The following CLCN2 variants were observed in gnomAD, a reference collection of about 807,000 sequenced individuals.
CLCN2 encodes the protein chloride channel protein 2.
In CLCN2, 72 loss-of-function variants were observed where a neutral mutation model predicts 108.3. The observed-to-expected ratio is 0.66, with a 90% CI of 0.55 to 0.81. The LOEUF (loss-of-function observed/expected upper bound fraction) is 0.81. CLCN2 is among the 30% of genes least tolerant of loss of function. The pLI is 0.00. For synonymous variants in CLCN2, 471 were observed against 467.1 expected (o/e 1.01, Z -0.11); for missense variants, 1,048 against 1,205.2 (o/e 0.87, Z 1.93).
Position 184,352,721 on chromosome 3 carries a change from G to C in CLCN2, c.2217+16C>G, listed in dbSNP as rs1233059732. ...GGGGAAAAAGCAAGCTAGGAGGACA[G>C]GCTCCAGCCACTCACCTCCGAAGCA... On this transcript the variant is annotated intron_variant, in intron 19 of 23. Transcript: ENST00000265593. 2 of 1,612,542 alleles carry C rather than the reference G, an allele frequency of 1.2e-6. No individual in the cohort carries two copies. Among genetic ancestry groups the C allele is most frequent in the Non-Finnish European group, 1.7e-6 (2 of 1,179,638 alleles).
rs561080385 is a variant in CLCN2 at position 184,353,693 on chromosome 3, C to G, written c.1824G>C (p.Lys608Asn). The G allele has an allele frequency of 3.1e-5, 50 of 1,611,830 alleles. No homozygotes were observed. The highest frequency in any genetic ancestry group is 4.1e-5 in the Non-Finnish European group (48 of 1,179,552). The change falls in exon 16 of 24, where the codon AAG (lysine) becomes AAC (asparagine). Residue 608 changes from lysine (K) to asparagine (N), a missense_variant. By Grantham distance (94) the Lys-to-Asn change is moderately conservative. Coordinates refer to ENST00000265593, the MANE Select transcript of CLCN2 (RefSeq NM_004366.6). ...ACTCCACTAGGGCCAGCATTCGGCC[C>G]TTGGTCCTGTGCAGTGCCAAACGCA... ...RDLRLALHRTKGRMLALVESP... is the reference protein window; with the variant it reads ...RDLRLALHRTNGRMLALVESP...
chr3:184,355,871 T>TG lies in CLCN2; in HGVS notation c.1086-94_1086-93insC. 2.0e-6 allele frequency: 2 copies of TG among 1,022,996 alleles called. No individual in the cohort carries two copies. Among genetic ancestry groups the TG allele is most frequent in the South Asian group, 1.3e-5 (1 of 74,552 alleles). 63.4% of individuals were successfully genotyped at this position (1,022,996 alleles called of 1,614,324 possible). A position where few individuals can be genotyped will look rare whatever the true frequency, so the allele number is the denominator to read the frequency against. On this transcript the variant is annotated intron_variant, in intron 10 of 23. Transcript: ENST00000265593. This position sits in a 1 kb window ranked among gnomAD's most constrained non-coding sequence, Gnocchi z 6.3. ...TGAGGTCAGAGCAGAGCCTTGGCTC[T>TG]TTCATGAAAACACTCAGTCCTGACA...
intron 8 of CLCN2, 24 bp downstream of exon 8, chr3:184,357,338 C>G: frequency 6.2e-7 from 1 of 1,614,046 alleles, no homozygotes; most frequent in Non-Finnish European, 8.5e-7. Context: ...TCTCGGGCTG[C>G]CCTCATCCCC....
In CLCN2 at chr3:184,357,682, G is replaced by A; in HGVS notation, c.710C>T (p.Thr237Ile). Residue 237 changes from threonine to isoleucine, a missense_variant, in exon 7 of 24, where the codon ACA becomes ATA. Coordinates refer to ENST00000265593, the MANE Select transcript of CLCN2 (RefSeq NM_004366.6). ...GGCACAGGCGGCAGCCAGCATCTCT[G>A]TGTTCCGGGATTCATTCTGGCGAGA... is the stretch of plus-strand genomic sequence containing the variant. ...GGIYENESRN[T>I]EMLAAACAVG... is the part of the protein sequence containing the mutation. 1.2e-6 allele frequency: 2 copies of A among 1,614,128 alleles called. No homozygotes were observed. The highest frequency in any genetic ancestry group is 1.3e-5 in the African/African-American group (1 of 75,062).
At position 184,357,319 on chromosome 3, in the gene CLCN2, C is replaced by T. The variant is rs371310881; in HGVS notation, c.898+43G>A. On this transcript the variant is annotated intron_variant, in intron 8 of 23. Coordinates refer to ENST00000265593, the MANE Select transcript of CLCN2 (RefSeq NM_004366.6). ...AGGCCTAGCCTCGTGGGCCCCCTAC[C>T]TGGCACCATCTCGGGCTGCCCTCAT... 1.1e-5 allele frequency: 18 copies of T among 1,613,900 alleles called. 1 individual carries two copies. In the African/African-American group the frequency reaches 2.3e-4, roughly 20 times the overall value.
rs767170046 is a variant in CLCN2 at position 184,358,996 on chromosome 3, T to C, written c.199A>G (p.Ser67Gly). 2.0e-5 allele frequency: 32 copies of C among 1,613,432 alleles called. No individual in the cohort carries two copies. The South Asian group carries it at 3.3e-4, about 17-fold the overall frequency. Residue 67 changes from serine to glycine, a missense_variant, in exon 2 of 24, where the codon AGC (serine) becomes GGC (glycine). Ser to Gly is a moderately conservative substitution (Grantham distance 56). Coordinates refer to ENST00000265593, the MANE Select transcript of CLCN2 (RefSeq NM_004366.6). ...TCACCGCGGCATCGGGCGCAACGGC[T>C]CCGTCCATATTCCAAGAGCTCTGGG... The part of the protein sequence containing the change: ...AAPELLEYGR[S>G]RCARCRVCSV...
intron 1 of CLCN2, among the ~76,000 whole-genome samples, chr3:184,360,344 G>T (rs542652806): frequency 1.3e-5 from 2 of 152,156 alleles, no homozygotes; most frequent in African/African-American, 4.8e-5. Context: ...AGATGGAGAG[G>T]TGGCTGGTGT....
chr3:184,358,124 A>G, intron 4 of CLCN2, 29 bp from the exon 5 acceptor site: 1 of 1,614,048 alleles, frequency 6.2e-7, no homozygotes, highest in Non-Finnish European at 8.5e-7. Context: ...CAGGAGAGGC[A>G]TTCGATGCAC....
In CLCN2 at chr3:184,358,683, T is replaced by C. The variant is rs761816434; in HGVS notation, c.351A>G (p.Gln117=). 2.8e-5 allele frequency: 44 copies of C among 1,573,548 alleles called. No homozygotes were observed. The Admixed American group carries it at 7.2e-4, about 26-fold the overall frequency. ...VMDYAIAACL[Q]AQQWMSRGLN... is the part of the protein sequence containing the mutation. ...CCCCCTGCCAGCTGTCACCCTCACC[T>C]TGCAGACAGGCAGCAATGGCATAGT... The change falls in exon 3 of 24, where the codon CAA becomes CAG. Residue 117 remains glutamine, a splice_region_variant and synonymous_variant. Transcript: ENST00000265593.
In CLCN2 at chr3:184,352,735, A is replaced by C; in HGVS notation, c.2217+2T>G. The C allele has an allele frequency of 1.9e-6, 3 of 1,612,940 alleles. No individual in the cohort carries two copies. Among genetic ancestry groups the C allele is most frequent in the Non-Finnish European group, 2.5e-6 (3 of 1,179,908 alleles). ...CTAGGAGGACAGGCTCCAGCCACTC[A>C]CCTCCGAAGCAGCCTCAGGGGGTGG... is the stretch of plus-strand genomic sequence containing the variant. On this transcript the variant is annotated splice_donor_variant, in intron 19 of 23. Transcript: ENST00000265593. LOFTEE classifies it high-confidence loss of function.
chr3:184,348,126 T>C (rs981964090), intron 22 of CLCN2: 2 of 152,222 alleles, frequency 1.3e-5, no homozygotes, highest in African/African-American at 4.8e-5. Flanking sequence ...TTTGAAATTC[T>C]TTAGGGAGGG....
In CLCN2 at chr3:184,346,340, A is replaced by T; in HGVS notation, c.*266T>A. On this transcript the variant is annotated 3_prime_UTR_variant, in exon 24 of 24. Coordinates refer to ENST00000265593, the MANE Select transcript of CLCN2 (RefSeq NM_004366.6). This position sits in a 1 kb window ranked among gnomAD's most constrained non-coding sequence, Gnocchi z 6.0. ...CTTAGTTCCACCCCTTTCCCCTCAA[A>T]GGGGGAGCAGGGGTCAAGTGACCCC... 1.8e-6 allele frequency: 1 copy of T among 544,798 alleles called. No individual in the cohort carries two copies. Among genetic ancestry groups the T allele is most frequent in the African/African-American group, 1.9e-5 (1 of 52,872 alleles). The allele number at this position is 544,798 out of a possible 1,614,324, so 33.7% of individuals were successfully genotyped here. A position where few individuals can be genotyped will look rare whatever the true frequency, so the allele number is the denominator to read the frequency against.
At chr3:184,353,465 C>T in intron 16 of CLCN2, 43 bp from the exon 17 acceptor site, 1 of 1,567,734 alleles carries the variant, frequency 6.4e-7, no homozygotes, top group African/African-American at 1.4e-5. Flanking sequence ...GAGAGGGAGC[C>T]CTCCAGCCCC....
Position 184,361,304 on chromosome 3 carries a change from G to T in CLCN2, c.63+113C>A. Reference sequence around the variant, plus strand: ...AGACTTCCAAGCCTCAGTTTCCCCAGCTCAAAATGCTAGGACAGGATTAGG... The same window carrying T: ...AGACTTCCAAGCCTCAGTTTCCCCATCTCAAAATGCTAGGACAGGATTAGG... On this transcript the variant is annotated intron_variant, in intron 1 of 23. Coordinates refer to ENST00000265593, the MANE Select transcript of CLCN2 (RefSeq NM_004366.6). This position sits in a 1 kb window ranked among gnomAD's most constrained non-coding sequence, Gnocchi z 6.6. 3 of 1,152,498 alleles carry T rather than the reference G, an allele frequency of 2.6e-6. No homozygotes were observed. The highest frequency in any genetic ancestry group is 2.6e-6 in the Non-Finnish European group (2 of 767,920). 71.4% of individuals were successfully genotyped at this position (1,152,498 alleles called of 1,614,324 possible). A position where few individuals can be genotyped will look rare whatever the true frequency, so the allele number is the denominator to read the frequency against.
In CLCN2 at chr3:184,355,312, G is replaced by C; in HGVS notation, c.1326+62C>G. The C allele has an allele frequency of 6.5e-7, 1 of 1,548,366 alleles. No individual in the cohort carries two copies. Among genetic ancestry groups the C allele is most frequent in the Non-Finnish European group, 8.9e-7 (1 of 1,121,172 alleles). On this transcript the variant is annotated intron_variant, in intron 12 of 23. Transcript: ENST00000265593. The surrounding 1 kb of genome is among the most constrained non-coding windows in gnomAD (Gnocchi z 6.3). ...AGAGGCTTCGAGGAGTGAGCACTGCGTGGCAGGTGCTTAGAAGGGCAAGCT... is the reference window on the plus strand; with the variant it reads ...AGAGGCTTCGAGGAGTGAGCACTGCCTGGCAGGTGCTTAGAAGGGCAAGCT...
chr3:184,356,547 G>T, intron 10 of CLCN2: 1 of 176,480 alleles, frequency 5.7e-6, no homozygotes, highest in Non-Finnish European at 1.2e-5. Context: ...GCTGAGGCAG[G>T]AGAATCGCTT....
rs750904094 is a variant in CLCN2, at chr3:184,353,116, G to A, written c.2060C>T (p.Ala687Val). 1.2e-6 allele frequency: 2 copies of A among 1,614,186 alleles called. No homozygotes were observed. Among genetic ancestry groups the A allele is most frequent in the Admixed American group, 1.7e-5 (1 of 60,028 alleles). Reference protein sequence around the residue: ...VNTEDSAFPAARGETHKPLKP... With the variant: ...VNTEDSAFPAVRGETHKPLKP... ...TAGGGGCTTGTGGGTCTCCCCCCGGGCTGCTGGGAAGGCTGAGTCTTCTGT... is the reference window on the plus strand; with the variant it reads ...TAGGGGCTTGTGGGTCTCCCCCCGGACTGCTGGGAAGGCTGAGTCTTCTGT... Residue 687 changes from alanine to valine, a missense_variant, in exon 18 of 24, where the codon GCC (alanine) becomes GTC (valine). Coordinates refer to ENST00000265593, the MANE Select transcript of CLCN2 (RefSeq NM_004366.6).
At chr3:184,349,600 G>C (rs1456778937) in intron 22 of CLCN2, 1 of 152,154 alleles carries the variant, frequency 6.6e-6, no homozygotes, top group Non-Finnish European at 1.5e-5. Context: ...TCATCTCTCA[G>C]TATAAGTAGT....
At chr3:184,356,022 G>A in intron 10 of CLCN2, 2 of 515,054 alleles carry the variant, frequency 3.9e-6, no homozygotes, top group Non-Finnish European at 7.1e-6. Flanking sequence ...GTGGGTAGCA[G>A]CAGCAGAAAG....
Sources: allele counts gnomAD v4.1 joint callset (sites outside exome capture counted in the v4.1 genomes callset), GRCh38; gene constraint gnomAD v4.1.1; non-coding constraint Gnocchi (gnomAD v3.1); transcripts MANE v1.5; gene names NCBI Gene and HGNC (gene_info 2026-07-23, HGNC 2026-07-21).